The following DNAL4 variants were observed in gnomAD, a reference collection of about 807,000 sequenced individuals.
DNAL4 encodes dynein axonemal light chain 4.
DNAL4 carries 10 observed loss-of-function variants against 12.6 expected under a neutral mutation model. The observed-to-expected ratio is 0.79, with a 90% CI of 0.49 to 1.34. The LOEUF (loss-of-function observed/expected upper bound fraction) is 1.34. Ranked by LOEUF, DNAL4 falls within the 40% of genes most tolerant of loss-of-function variation. DNAL4 has a pLI of 0.00. For synonymous variants in DNAL4, 46 were observed against 53.1 expected (o/e 0.87, Z 0.58); for missense variants, 128 against 138.1 (o/e 0.93, Z 0.37).
chr22:38,789,036 G>A (rs2093046571), intron 1 of DNAL4, among the ~76,000 whole-genome samples: 1 of 152,068 alleles, frequency 6.6e-6, no homozygotes, highest in Non-Finnish European at 1.5e-5. Flanking sequence ...GAGGGGAGAG[G>A]ACCTATCACA....
In DNAL4 at chr22:38,779,640, G is replaced by A. The variant is rs1178444792; in HGVS notation, c.154-27C>T. On this transcript the variant is annotated intron_variant, in intron 3 of 3. Coordinates refer to ENST00000216068, the MANE Select transcript of DNAL4 (RefSeq NM_005740.3). This position sits in a 1 kb window ranked among gnomAD's most constrained non-coding sequence, Gnocchi z 4.3. ...TGGAAGGAAGAGGGCACTTATCAAG[G>A]GGGCGCAGGGCAGGTGGGGGCAGGA... The A allele has an allele frequency of 1.1e-5, 18 of 1,583,086 alleles. No homozygotes were observed. The highest frequency in any genetic ancestry group is 2.3e-5 in the East Asian group (1 of 43,582).
intron 1 of DNAL4, among the ~76,000 whole-genome samples, chr22:38,787,066 G>A (rs952892951): frequency 7.5e-4 from 114 of 151,944 alleles, no homozygotes; most frequent in Non-Finnish European, 1.4e-3. Context: ...ATCACGGCTC[G>A]CCTCCCTGTA....
intron 1 of DNAL4, among the ~76,000 whole-genome samples, chr22:38,789,578 A>G (rs2093047505): frequency 6.6e-6 from 1 of 151,846 alleles, no homozygotes; most frequent in South Asian, 2.1e-4. Context: ...GCCTGGCCTG[A>G]TTATGCTTTT....
intron 1 of DNAL4, chr22:38,785,970 T>C (rs934825064): frequency 2.0e-5 from 3 of 152,232 alleles, no homozygotes; most frequent in Non-Finnish European, 2.9e-5. Flanking sequence ...AAGAGCTTTT[T>C]CTAACCACTA....
chr22:38,787,228 C>CT (rs774868155), intron 1 of DNAL4, among the ~76,000 whole-genome samples: 3 of 149,362 alleles, frequency 2.0e-5, no homozygotes, highest in Non-Finnish European at 4.4e-5. Flanking sequence ...CTTTTCTTTT[C>CT]TTTCTTTCTT....
chr22:38,782,738 T>C lies in DNAL4; in HGVS notation c.-7A>G, dbSNP rs1247271288. 1 of 1,611,050 alleles carries C rather than the reference T, an allele frequency of 6.2e-7. No homozygotes were observed. Among genetic ancestry groups the C allele is most frequent in the Non-Finnish European group, 8.5e-7 (1 of 1,178,944 alleles). ...TCCCTTCTGTTTCTCCCATGATCCT[T>C]CCACTGTGACCACTGGAGGAGAGTG... On this transcript the variant is annotated 5_prime_UTR_variant, in exon 2 of 4. Transcript: ENST00000216068. The surrounding 1 kb of genome is among the most constrained non-coding windows in gnomAD (Gnocchi z 5.1).
chr22:38,788,727 C>G (rs1274604530), intron 1 of DNAL4, among the ~76,000 whole-genome samples: 1 of 152,174 alleles, frequency 6.6e-6, no homozygotes, highest in African/African-American at 2.4e-5. Context: ...GCTCCCGCCC[C>G]GCTCTCTCCC....
intron 1 of DNAL4, among the ~76,000 whole-genome samples, chr22:38,784,665 CA>C (rs902618409): frequency 6.6e-6 from 1 of 152,132 alleles, no homozygotes; most frequent in African/African-American, 2.4e-5. Context: ...CGCCCACCAC[CA>C]CGCCCGGCTA....
In DNAL4 at chr22:38,779,686, G is replaced by T. The variant is rs150973319; in HGVS notation, c.154-73C>A. The T allele has an allele frequency of 1.0e-3, 1,555 of 1,506,418 alleles. 22 individuals are homozygous for T. The African/African-American group carries it at 0.02, about 19-fold the overall frequency. 93.3% of individuals were successfully genotyped at this position (1,506,418 alleles called of 1,614,324 possible). ...CAGGAGTCAGGTCCTTCTCCAGGAA[G>T]GAGAAGGCTGGCACTGAGGTCTTGG... On this transcript the variant is annotated intron_variant, in intron 3 of 3. Coordinates refer to ENST00000216068, the MANE Select transcript of DNAL4 (RefSeq NM_005740.3). This position sits in a 1 kb window ranked among gnomAD's most constrained non-coding sequence, Gnocchi z 4.3.
intron 1 of DNAL4, among the ~76,000 whole-genome samples, chr22:38,792,225 C>A (rs1284523967): frequency 2.0e-5 from 3 of 148,266 alleles, no homozygotes; most frequent in East Asian, 1.9e-4. Context: ...AAAATATTTT[C>A]TTTCTTTATA....
At chr22:38,793,728 G>C (rs566070763) in intron 1 of DNAL4, among the ~76,000 whole-genome samples, 11 of 152,324 alleles carry the variant, frequency 7.2e-5, no homozygotes, top group African/African-American at 2.6e-4. Flanking sequence ...GACCCCGCGG[G>C]AGAGGGAATT....
intron 1 of DNAL4, among the ~76,000 whole-genome samples, chr22:38,783,612 T>C (rs995359125): frequency 6.6e-6 from 1 of 152,226 alleles, no homozygotes; most frequent in African/African-American, 2.4e-5. Flanking sequence ...TGTTCTTTCC[T>C]ACTCCTTCTT....
intron 1 of DNAL4, among the ~76,000 whole-genome samples, chr22:38,793,631 G>A (rs762135283): frequency 1.3e-5 from 2 of 152,178 alleles, no homozygotes; most frequent in Non-Finnish European, 2.9e-5. Flanking sequence ...TGGGGAAACT[G>A]AGGCCCAAAC....
Position 38,782,593 on chromosome 22 carries a change from A to T in DNAL4, c.69+70T>A. Reference sequence around the variant, plus strand: ...TCCCACTGCCATCCTGCAAGGGACAAGCTCCACCCACCTCTCTCCAGGCTG... The same window carrying T: ...TCCCACTGCCATCCTGCAAGGGACATGCTCCACCCACCTCTCTCCAGGCTG... On this transcript the variant is annotated intron_variant, in intron 2 of 3. Transcript: ENST00000216068. The surrounding 1 kb of genome is among the most constrained non-coding windows in gnomAD (Gnocchi z 5.1). The T allele has an allele frequency of 6.5e-7, 1 of 1,540,818 alleles. No homozygotes were observed. Among genetic ancestry groups the T allele is most frequent in the Non-Finnish European group, 8.9e-7 (1 of 1,122,618 alleles).
At chr22:38,787,393 C>T (rs1433530036) in intron 1 of DNAL4, among the ~76,000 whole-genome samples, 1 of 152,202 alleles carries the variant, frequency 6.6e-6, no homozygotes, top group East Asian at 1.9e-4. Flanking sequence ...AGGTACGCGC[C>T]ACCACGCCTG....
intron 1 of DNAL4, among the ~76,000 whole-genome samples, 173 bp downstream of exon 1, chr22:38,793,895 G>C (rs1009270298): frequency 2.0e-5 from 3 of 152,060 alleles, no homozygotes; most frequent in Admixed American, 6.5e-5. Flanking sequence ...GTCCCGAAGT[G>C]GGGGTGAGGG....
chr22:38,779,382 G>A lies in DNAL4; in HGVS notation c.*67C>T, dbSNP rs1356013912. ...CTTGGAAAAACCAGGACCTGCCTAG[G>A]GCTGCTCCCCACCCCAGATGAGTGG... On this transcript the variant is annotated 3_prime_UTR_variant, in exon 4 of 4. Transcript: ENST00000216068. The surrounding 1 kb of genome is among the most constrained non-coding windows in gnomAD (Gnocchi z 4.3). 1 of 1,513,478 alleles carries A rather than the reference G, an allele frequency of 6.6e-7. No individual in the cohort carries two copies. Among genetic ancestry groups the A allele is most frequent in the Admixed American group, 2.2e-5 (1 of 46,498 alleles). The allele number at this position is 1,513,478 out of a possible 1,614,324, so 93.8% of individuals were successfully genotyped here.
In DNAL4 at chr22:38,782,632, G is replaced by A. The variant is rs188474370; in HGVS notation, c.69+31C>T. 1.9e-3 allele frequency: 3,018 copies of A among 1,609,884 alleles called. 3 individuals are homozygous for A. The highest frequency in any genetic ancestry group is 2.3e-3 in the Non-Finnish European group (2,714 of 1,178,114). On this transcript the variant is annotated intron_variant, in intron 2 of 3. Transcript: ENST00000216068. The surrounding 1 kb of genome is among the most constrained non-coding windows in gnomAD (Gnocchi z 5.1). ...CTCTCCAGGCTGTGTGGGCCCTGCC[G>A]GCAGTCCTGCCTCCCTCCCCTGGGG...
intron 2 of DNAL4, among the ~76,000 whole-genome samples, chr22:38,781,878 G>A (rs2093034913): frequency 6.6e-6 from 1 of 152,058 alleles, no homozygotes; most frequent in South Asian, 2.1e-4. Context: ...CACCCTCATC[G>A]CTCTGGGCCT....
Sources: allele counts gnomAD v4.1 joint callset (sites outside exome capture counted in the v4.1 genomes callset), GRCh38; gene constraint gnomAD v4.1.1; non-coding constraint Gnocchi (gnomAD v3.1); transcripts MANE v1.5; gene names NCBI Gene and HGNC (gene_info 2026-07-23, HGNC 2026-07-21).